MTUS2: variants seen among roughly 807,000 people sequenced by gnomAD.
MTUS2 encodes microtubule-associated tumor suppressor candidate 2.
A neutral mutation model predicts 114.1 loss-of-function variants in MTUS2; 40 were observed. The observed-to-expected ratio is 0.35, with a 90% CI of 0.27 to 0.46. The LOEUF (loss-of-function observed/expected upper bound fraction) is 0.46, where lower values mean the gene tolerates loss of function less well. Among genes scored for constraint, MTUS2 ranks in the 20% least tolerant of loss-of-function variants. The pLI is 1.00. For missense variants in MTUS2, 1,679 were observed against 1,705.4 expected, an observed-to-expected ratio of 0.98 and a Z score of 0.27; for synonymous variants, 688 against 672.0, an observed-to-expected ratio of 1.02 and a Z score of -0.37.
chr13:29,361,291 T>C (rs954978200), intron 8 of MTUS2, among the ~76,000 whole-genome samples: 9 of 152,186 alleles, frequency 5.9e-5, no homozygotes, highest in African/African-American at 1.7e-4. Flanking sequence ...ATGGTGGACA[T>C]GAATTTCATT....
intron 2 of MTUS2, among the ~76,000 whole-genome samples, chr13:28,884,152 CA>C (rs1878453424): frequency 6.6e-6 from 1 of 152,040 alleles, no homozygotes; most frequent in Non-Finnish European, 1.5e-5. Context: ...AAAAACAACC[CA>C]AATGTCCATT....
chr13:29,323,438 G>A (rs1266045162), intron 6 of MTUS2, among the ~76,000 whole-genome samples: 1 of 152,082 alleles, frequency 6.6e-6, no homozygotes, highest in Admixed American at 6.5e-5. Flanking sequence ...TTTTAGTAAA[G>A]ACGGGGTTTC....
At chr13:29,040,468 G>A (rs1426368212) in intron 4 of MTUS2, among the ~76,000 whole-genome samples, 1 of 152,098 alleles carries the variant, frequency 6.6e-6, no homozygotes, top group East Asian at 1.9e-4. Flanking sequence ...TTTCCTCTGG[G>A]TAGATACCCA....
At chr13:29,345,582 A>G (rs1868583233) in intron 7 of MTUS2, among the ~76,000 whole-genome samples, 1 of 151,668 alleles carries the variant, frequency 6.6e-6, no homozygotes, top group Admixed American at 6.6e-5. Context: ...TTGTTTTTTA[A>G]GTTGGTATTC....
chr13:29,087,315 A>T (rs1889736050), intron 4 of MTUS2, among the ~76,000 whole-genome samples: 2 of 152,162 alleles, frequency 1.3e-5, no homozygotes, highest in Admixed American at 1.3e-4. Flanking sequence ...ACATGAAAGG[A>T]TGTTGAATTT....
intron 5 of MTUS2, among the ~76,000 whole-genome samples, chr13:29,113,353 C>T (rs960538291): frequency 6.6e-6 from 1 of 152,210 alleles, no homozygotes; most frequent in African/African-American, 2.4e-5. Context: ...GGTATGCCCA[C>T]TTGCCTCAAG....
intron 5 of MTUS2, among the ~76,000 whole-genome samples, chr13:29,129,435 T>G (rs1205813501): frequency 6.6e-6 from 1 of 152,194 alleles, no homozygotes. Flanking sequence ...ATCTTTCCAC[T>G]TAGAATATGT....
At chr13:29,399,268 G>A (rs1874145248) in intron 8 of MTUS2, among the ~76,000 whole-genome samples, 1 of 152,184 alleles carries the variant, frequency 6.6e-6, no homozygotes, top group South Asian at 2.1e-4. Flanking sequence ...CTTGGTTTTG[G>A]TGGGTCTTGA....
intron 4 of MTUS2, among the ~76,000 whole-genome samples, chr13:29,050,151 G>T (rs939030887): frequency 6.6e-6 from 1 of 152,076 alleles, no homozygotes; most frequent in Non-Finnish European, 1.5e-5. Context: ...AGATTCAAGA[G>T]CCTGGGTCCC....
chr13:29,165,819 G>A (rs1177148813), intron 5 of MTUS2, among the ~76,000 whole-genome samples: 1 of 152,148 alleles, frequency 6.6e-6, no homozygotes, highest in Non-Finnish European at 1.5e-5. Flanking sequence ...ACTGTGGATG[G>A]TGGGGAATAA....
intron 3 of MTUS2, among the ~76,000 whole-genome samples, chr13:29,033,133 T>C (rs1886903472): frequency 6.6e-6 from 1 of 152,206 alleles, no homozygotes; most frequent in Admixed American, 6.5e-5. Context: ...CTTCAATAAA[T>C]ATTTATTGAC....
intron 2 of MTUS2, among the ~76,000 whole-genome samples, chr13:29,013,060 A>G (rs1885920916): frequency 6.6e-6 from 1 of 152,326 alleles, no homozygotes; most frequent in African/African-American, 2.4e-5. Context: ...GTGACAAGAC[A>G]ACAAAAACCT....
At chr13:29,474,315 G>A (rs952505617) in intron 9 of MTUS2, among the ~76,000 whole-genome samples, 1 of 152,138 alleles carries the variant, frequency 6.6e-6, no homozygotes, top group African/African-American at 2.4e-5. Flanking sequence ...TCCATGAATC[G>A]TCCTATCACT....
rs1036879444 is a variant in MTUS2 at position 29,286,275 on chromosome 13, G to A, written c.2806+4410G>A. ...GTATTTGTGGCTATGTTTTTAAAAA[G>A]AGTCATGTTTTAGAAATTCACATAT... On this transcript the variant is annotated intron_variant, in intron 6 of 15. Transcript: ENST00000612955. Among the ~76,000 whole-genome samples, 5 of 152,296 alleles carry A rather than the reference G, an allele frequency of 3.3e-5. No individual in the cohort carries two copies. The East Asian group carries it at 7.7e-4, about 24-fold the overall frequency.
chr13:28,915,724 C>T (rs917069300), intron 2 of MTUS2, among the ~76,000 whole-genome samples: 1 of 151,750 alleles, frequency 6.6e-6, no homozygotes, highest in African/African-American at 2.4e-5. Flanking sequence ...GTGGTTTACA[C>T]ATATTTTTCT....
At chr13:29,240,035 G>A (rs1896676981) in intron 5 of MTUS2, 4 of 152,124 alleles carry the variant, frequency 2.6e-5, no homozygotes, top group Non-Finnish European at 2.9e-5. Context: ...GTGGTTTCTG[G>A]TTTCCTGAAG....
intron 5 of MTUS2, among the ~76,000 whole-genome samples, chr13:29,207,885 T>G (rs1024337734): frequency 2.0e-5 from 3 of 152,134 alleles, no homozygotes; most frequent in African/African-American, 7.2e-5. Context: ...TGTAATTTTC[T>G]TTTTTGTGTG....
In MTUS2 at chr13:29,244,955, C is replaced by CA. The variant is rs56095961; in HGVS notation, c.2645-36723dup. On this transcript the variant is annotated intron_variant, in intron 5 of 15. Coordinates refer to ENST00000612955, the MANE Select transcript of MTUS2 (RefSeq NM_001033602.4). ...TGGGCGACAGAGCGAGACTCCGTCT[C>CA]AAAAAAAAAAAAAAAAAAAAAAAAA... is the stretch of plus-strand genomic sequence containing the variant. Among the ~76,000 whole-genome samples, 87 of 60,496 alleles carry CA rather than the reference C, an allele frequency of 1.4e-3. 8 individuals carry two copies. The highest frequency in any genetic ancestry group is 6.2e-3 in the African/African-American group (82 of 13,162). 39.7% of individuals were successfully genotyped at this position (60,496 alleles called of 152,430 possible).
chr13:29,343,646 T>C (rs1239364786), intron 7 of MTUS2, among the ~76,000 whole-genome samples: 1 of 152,038 alleles, frequency 6.6e-6, no homozygotes, highest in Non-Finnish European at 1.5e-5. Context: ...CTTTCAATTT[T>C]ATTTAGTTCT....
Sources: allele counts gnomAD v4.1 joint callset (sites outside exome capture counted in the v4.1 genomes callset), GRCh38; gene constraint gnomAD v4.1.1; transcripts MANE v1.5; gene names NCBI Gene and HGNC (gene_info 2026-07-23, HGNC 2026-07-21).